SMG1: variants seen among roughly 807,000 people sequenced by gnomAD.
The protein encoded by SMG1 is SMG1 nonsense mediated mRNA decay associated PI3K related kinase.
A neutral mutation model predicts 419.9 loss-of-function variants in SMG1; 22 were observed. The ratio of observed to expected loss-of-function variants is 0.05; its 90% CI spans 0.04 to 0.07. The LOEUF (loss-of-function observed/expected upper bound fraction) is 0.07. SMG1 is among the 10% of genes least tolerant of loss of function. SMG1 has a pLI of 1.00. For synonymous variants in SMG1, 1,538 were observed against 1,553.5 expected, an observed-to-expected ratio of 0.99 and a Z score of 0.23; for missense variants, 3,185 against 4,342.0, an observed-to-expected ratio of 0.73 and a Z score of 7.49.
At chr16:18,840,050 T>A in intron 41 of SMG1, 104 bp from the exon 42 acceptor site, 1 of 878,926 alleles carries the variant, frequency 1.1e-6, no homozygotes, top group Non-Finnish European at 1.7e-6. Context: ...GATTTTTCAG[T>A]AGCATTCTCT....
At chr16:18,913,094 C>T (rs1326657517) in intron 1 of SMG1, among the ~76,000 whole-genome samples, 1 of 152,016 alleles carries the variant, frequency 6.6e-6, no homozygotes, top group Admixed American at 6.6e-5. Context: ...AGAGGATAGT[C>T]AAAAAGCCTA....
intron 55 of SMG1, among the ~76,000 whole-genome samples, chr16:18,827,242 C>T (rs1162617926): frequency 5.3e-5 from 8 of 151,996 alleles, no homozygotes; most frequent in African/African-American, 1.9e-4. Flanking sequence ...GCCTGGCCAG[C>T]ATGGTGAAAC....
chr16:18,831,047 A>G (rs1348186256), intron 51 of SMG1, among the ~76,000 whole-genome samples: 1 of 152,210 alleles, frequency 6.6e-6, no homozygotes, highest in African/African-American at 2.4e-5. Flanking sequence ...TTACTACAAG[A>G]TACGATACAA....
In SMG1 at chr16:18,868,693, T is replaced by G; in HGVS notation, c.2860A>C (p.Thr954Pro). Residue 954 changes from threonine to proline, a missense_variant, in exon 21 of 63, where the codon ACA becomes CCA. Physicochemically the swap from Thr to Pro is conservative, Grantham distance 38. Transcript: ENST00000446231. ...CTAACATCCTGATCAGGGTTTAATG[T>G]GTGAGCTGCGAGACTTCGAATGATA... ...EGIIRSLAAH[T>P]LNPDQDVSQW... 1 of 1,407,694 alleles carries G rather than the reference T, an allele frequency of 7.1e-7. No homozygotes were observed. The allele number at this position is 1,407,694 out of a possible 1,614,324, so 87.2% of individuals were successfully genotyped here. A position where few individuals can be genotyped will look rare whatever the true frequency, so the allele number is the denominator to read the frequency against.
chr16:18,863,536 GAT>G, intron 25 of SMG1, 112 bp downstream of exon 25: 5 of 934,334 alleles, frequency 5.4e-6, no homozygotes, highest in Non-Finnish European at 8.5e-6. Context: ...CAGTAAGTTA[GAT>G]ATATAACCAT....
chr16:18,900,686 A>C (rs2037311707), intron 1 of SMG1, among the ~76,000 whole-genome samples: 1 of 152,208 alleles, frequency 6.6e-6, no homozygotes, highest in Non-Finnish European at 1.5e-5. Context: ...TCTAATTTAT[A>C]ATGGATATAA....
intron 50 of SMG1, among the ~76,000 whole-genome samples, chr16:18,833,932 T>C (rs2033378134): frequency 6.6e-6 from 1 of 152,248 alleles, no homozygotes; most frequent in African/African-American, 2.4e-5. Context: ...TATTCCATTA[T>C]GTGGATGTAC....
intron 9 of SMG1, among the ~76,000 whole-genome samples, chr16:18,883,391 A>T (rs183130700): frequency 1.5e-4 from 23 of 152,378 alleles, no homozygotes; most frequent in African/African-American, 5.5e-4. Context: ...GTACATATGT[A>T]AGAGGAAAAT....
chr16:18,870,910 T>A (rs919736403), intron 16 of SMG1, 22 bp from the exon 17 acceptor site: 15 of 1,194,690 alleles, frequency 1.3e-5, no homozygotes, highest in Admixed American at 6.9e-5. Context: ...TAAAAGACAG[T>A]TACTTTCAGC....
At chr16:18,887,672 T>TTAAAAA (rs1555502692) in intron 6 of SMG1, among the ~76,000 whole-genome samples, 2 of 65,714 alleles carry the variant, frequency 3.0e-5, no homozygotes, top group Non-Finnish European at 5.3e-5. Context: ...ACTTTTTATT[T>TTAAAAA]AAAAAAAAAA....
chr16:18,885,888 G>C (rs1305180150), intron 6 of SMG1, among the ~76,000 whole-genome samples: 1 of 151,996 alleles, frequency 6.6e-6, no homozygotes, highest in Non-Finnish European at 1.5e-5. Flanking sequence ...AGAGGTTGCA[G>C]TGAGCTGAGA....
Position 18,841,531 on chromosome 16 carries a change from T to A in SMG1, c.6696+34A>T, listed in dbSNP as rs36121165. 4 of 1,579,376 alleles carry A rather than the reference T, an allele frequency of 2.5e-6. No homozygotes were observed. In the East Asian group the frequency reaches 9.0e-5, roughly 35 times the overall value. On this transcript the variant is annotated intron_variant, in intron 41 of 62. Coordinates refer to ENST00000446231, the MANE Select transcript of SMG1 (RefSeq NM_015092.5). ...AAGTATTTCACATAATAACAGAGAA[T>A]AGACTAATACACTGTGTAGATGATT...
rs143238958 is a variant in SMG1, at chr16:18,855,629, G to A, written c.4235-725C>T. 1.1e-3 allele frequency among the ~76,000 whole-genome samples: 161 copies of A among 152,176 alleles called. 1 individual carries two copies. The East Asian group carries it at 0.023, about 22-fold the overall frequency. ...CTCAAGGAAGGGCACAGGATGAGCC[G>A]GCTGCCTGTGAAAGTACTTGGCCAC... On this transcript the variant is annotated intron_variant, in intron 29 of 62. Coordinates refer to ENST00000446231, the MANE Select transcript of SMG1 (RefSeq NM_015092.5).
At chr16:18,874,135 T>C (rs1206982479) in intron 13 of SMG1, among the ~76,000 whole-genome samples, 3 of 152,156 alleles carry the variant, frequency 2.0e-5, no homozygotes, top group Non-Finnish European at 2.9e-5. Flanking sequence ...ATTACTTTCT[T>C]TCTTTGTGTT....
intron 13 of SMG1, chr16:18,875,211 T>C (rs2036055970): frequency 6.6e-6 from 1 of 152,620 alleles, no homozygotes; most frequent in Non-Finnish European, 1.5e-5. Flanking sequence ...GGCATCATAC[T>C]GGTGCTCAAA....
intron 6 of SMG1, among the ~76,000 whole-genome samples, chr16:18,886,701 C>G (rs2036626540): frequency 6.6e-6 from 1 of 152,092 alleles, no homozygotes; most frequent in African/African-American, 2.4e-5. Flanking sequence ...ACTCAGGAGG[C>G]TGAAGCAAGA....
intron 1 of SMG1, among the ~76,000 whole-genome samples, chr16:18,919,501 G>A (rs1014535968): frequency 6.6e-6 from 1 of 151,832 alleles, no homozygotes; most frequent in African/African-American, 2.4e-5. Context: ...GCGGGCACCT[G>A]CAATCCCAGC....
At chr16:18,841,075 C>CA (rs1330826251) in intron 41 of SMG1, among the ~76,000 whole-genome samples, 5 of 150,910 alleles carry the variant, frequency 3.3e-5, no homozygotes, top group African/African-American at 9.7e-5. Context: ...AAAACAAAAC[C>CA]AAAAAAAAGC....
At position 18,834,101 on chromosome 16, in the gene SMG1, A is replaced by G. The variant is rs138209326; in HGVS notation, c.8565+103T>C. ...CTTCCTTTTAAATGACTGGTTGAGCAACATTCAAATGGGGAAGTCAAATTG... is the reference window on the plus strand; with the variant it reads ...CTTCCTTTTAAATGACTGGTTGAGCGACATTCAAATGGGGAAGTCAAATTG... On this transcript the variant is annotated intron_variant, in intron 50 of 62. Coordinates refer to ENST00000446231, the MANE Select transcript of SMG1 (RefSeq NM_015092.5). 1.1e-5 allele frequency: 9 copies of G among 787,076 alleles called. No homozygotes were observed. The African/African-American group carries it at 1.6e-4, about 14-fold the overall frequency. 48.8% of individuals were successfully genotyped at this position (787,076 alleles called of 1,614,324 possible).
Sources: gnomAD v4.1 joint callset for allele counts (sites outside exome capture counted in the v4.1 genomes callset) on GRCh38, gnomAD v4.1.1 for gene constraint, MANE v1.5 for transcripts, NCBI Gene and HGNC (gene_info 2026-07-23, HGNC 2026-07-21) for gene names.